ZCWPW2: variants seen among roughly 807,000 people sequenced by gnomAD.
ZCWPW2 encodes zinc finger CW-type and PWWP domain containing 2.
A neutral mutation model predicts 46.6 loss-of-function variants in ZCWPW2; 45 were observed. That is an observed-to-expected ratio of 0.96 (90% CI 0.76 to 1.24). The LOEUF (loss-of-function observed/expected upper bound fraction) is 1.24. ZCWPW2 is among the 50% of genes most tolerant of loss of function. The probability of loss-of-function intolerance (pLI) is 0.00; values close to 1 mark genes in which losing one functional copy is unlikely to be tolerated. For synonymous variants in ZCWPW2, 152 were observed against 137.1 expected, an observed-to-expected ratio of 1.11 and a Z score of -0.76; for missense variants, 429 against 403.9, an observed-to-expected ratio of 1.06 and a Z score of -0.53.
chr3:28,357,713 G>C (rs1357648234), intron 1 of ZCWPW2, among the ~76,000 whole-genome samples: 4 of 150,910 alleles, frequency 2.7e-5, no homozygotes, highest in African/African-American at 9.8e-5. Flanking sequence ...TCGTTCTCTA[G>C]CTTATATATG....
chr3:28,507,529 T>C (rs2125828947), intron 6 of ZCWPW2, among the ~76,000 whole-genome samples: 1 of 151,838 alleles, frequency 6.6e-6, no homozygotes. Flanking sequence ...CTTTGTGGAG[T>C]ACAGTGGTGC....
chr3:28,441,600 C>A (rs1697760978), intron 4 of ZCWPW2, among the ~76,000 whole-genome samples: 1 of 152,154 alleles, frequency 6.6e-6, no homozygotes, highest in Non-Finnish European at 1.5e-5. Context: ...GCCATTGGTG[C>A]AAGCTGGGGG....
intron 6 of ZCWPW2, among the ~76,000 whole-genome samples, chr3:28,504,245 A>G (rs543898557): frequency 1.3e-5 from 2 of 152,258 alleles, no homozygotes; most frequent in Non-Finnish European, 2.9e-5. Flanking sequence ...TTCCAGAAAT[A>G]ATTTGCCGTA....
At chr3:28,372,503 A>G (rs778725291) in intron 1 of ZCWPW2, among the ~76,000 whole-genome samples, 7 of 152,332 alleles carry the variant, frequency 4.6e-5, no homozygotes, top group Non-Finnish European at 5.9e-5. Flanking sequence ...AAAAGTGCCT[A>G]TTGAACAACT....
At chr3:28,388,816 G>A (rs1695377252) in intron 1 of ZCWPW2, among the ~76,000 whole-genome samples, 1 of 152,110 alleles carries the variant, frequency 6.6e-6, no homozygotes, top group Non-Finnish European at 1.5e-5. Flanking sequence ...CTTGAGTGAT[G>A]TGGGCCATTA....
chr3:28,486,696 G>T (rs150113834), intron 5 of ZCWPW2, among the ~76,000 whole-genome samples: 1 of 152,130 alleles, frequency 6.6e-6, no homozygotes, highest in East Asian at 1.9e-4. Flanking sequence ...GCAACACGGT[G>T]AGATTCCGTC....
At chr3:28,450,820 A>C (rs893033929) in intron 4 of ZCWPW2, among the ~76,000 whole-genome samples, 1 of 152,226 alleles carries the variant, frequency 6.6e-6, no homozygotes, top group African/African-American at 2.4e-5. Flanking sequence ...GGAAATGGAA[A>C]GGGAGCTTTG....
intron 1 of ZCWPW2, among the ~76,000 whole-genome samples, chr3:28,385,908 ACT>A (rs1695253680): frequency 6.8e-6 from 1 of 146,636 alleles, no homozygotes; most frequent in African/African-American, 2.5e-5. Context: ...TGTTTCTTAC[ACT>A]CTCTTTATCT....
chr3:28,433,032 A>T (rs893999630), intron 3 of ZCWPW2, among the ~76,000 whole-genome samples: 4 of 152,102 alleles, frequency 2.6e-5, no homozygotes, highest in African/African-American at 9.7e-5. Flanking sequence ...ATTTTATCAT[A>T]GAGCTAGAGA....
intron 1 of ZCWPW2, among the ~76,000 whole-genome samples, chr3:28,380,164 T>G (rs1043555864): frequency 2.0e-5 from 3 of 151,912 alleles, no homozygotes; most frequent in South Asian, 2.1e-4. Context: ...TTGTATTTTT[T>G]TAGTAGACAC....
chr3:28,356,962 C>G (rs962311535), intron 1 of ZCWPW2, among the ~76,000 whole-genome samples: 1 of 151,882 alleles, frequency 6.6e-6, no homozygotes, highest in Non-Finnish European at 1.5e-5. Flanking sequence ...ATGTAACAAA[C>G]CTGCACGTTG....
intron 5 of ZCWPW2, among the ~76,000 whole-genome samples, chr3:28,489,147 A>T (rs1475923848): frequency 6.6e-6 from 1 of 152,124 alleles, no homozygotes. Flanking sequence ...AGAATGAGGT[A>T]TATTTTGACA....
chr3:28,456,274 G>T (rs1698418515), intron 4 of ZCWPW2, among the ~76,000 whole-genome samples: 1 of 152,010 alleles, frequency 6.6e-6, no homozygotes, highest in Non-Finnish European at 1.5e-5. Context: ...TTGCGATTTT[G>T]CTCTTGGTTT....
intron 8 of ZCWPW2, among the ~76,000 whole-genome samples, chr3:28,516,123 C>T (rs1435563223): frequency 6.6e-6 from 1 of 151,812 alleles, no homozygotes; most frequent in Non-Finnish European, 1.5e-5. Flanking sequence ...ACCTGTAATC[C>T]CAGCTACTCT....
Position 28,455,253 on chromosome 3 carries a change from T to G in ZCWPW2, c.492+19984T>G, listed in dbSNP as rs144238142. Among the ~76,000 whole-genome samples the G allele has an allele frequency of 3.9e-5, 6 of 152,348 alleles. No homozygotes were observed. The East Asian group carries it at 1.2e-3, about 29-fold the overall frequency. On this transcript the variant is annotated intron_variant, in intron 4 of 9. Transcript: ENST00000383768. ...ATGATCAGTGATGTTGAACTTGTTTTCATATGCTTGTTGGCGGCATGTATG... is the reference window on the plus strand; with the variant it reads ...ATGATCAGTGATGTTGAACTTGTTTGCATATGCTTGTTGGCGGCATGTATG...
chr3:28,380,966 ATATATTTGG>A (rs1255339677), intron 1 of ZCWPW2, among the ~76,000 whole-genome samples: 4 of 40,786 alleles, frequency 9.8e-5, no homozygotes, highest in African/African-American at 3.8e-4. Flanking sequence ...ATATATATAT[ATATATTTGG>A]TATATATATA....
At chr3:28,422,962 A>G (rs1696853543) in intron 3 of ZCWPW2, among the ~76,000 whole-genome samples, 1 of 152,106 alleles carries the variant, frequency 6.6e-6, no homozygotes, top group African/African-American at 2.4e-5. Flanking sequence ...ATGCTTTTGA[A>G]TATCTTTTTA....
At chr3:28,446,311 T>C (rs889162376) in intron 4 of ZCWPW2, among the ~76,000 whole-genome samples, 4 of 152,036 alleles carry the variant, frequency 2.6e-5, no homozygotes, top group African/African-American at 9.7e-5. Context: ...AAAAGATAGA[T>C]ATAAGGCAGA....
intron 6 of ZCWPW2, among the ~76,000 whole-genome samples, chr3:28,508,079 A>T (rs1196224817): frequency 6.6e-6 from 1 of 152,074 alleles, no homozygotes; most frequent in Non-Finnish European, 1.5e-5. Flanking sequence ...GGGGCCCAGG[A>T]TGCTTCCACT....
Sources: gnomAD v4.1 joint callset for allele counts (sites outside exome capture counted in the v4.1 genomes callset) on GRCh38, gnomAD v4.1.1 for gene constraint, MANE v1.5 for transcripts, NCBI Gene and HGNC (gene_info 2026-07-23, HGNC 2026-07-21) for gene names.